The following ERGIC2 variants were observed in gnomAD, a reference collection of about 807,000 sequenced individuals.
ERGIC2 encodes ERGIC and golgi 2, also known as endoplasmic reticulum-Golgi intermediate compartment protein 2.
ERGIC2 carries 31 observed loss-of-function variants against 52.5 expected under a neutral mutation model. The observed-to-expected ratio is 0.59, with a 90% confidence interval of 0.44 to 0.80. The LOEUF (loss-of-function observed/expected upper bound fraction) is 0.80. Ranked by LOEUF, ERGIC2 falls within the 30% of genes least tolerant of loss-of-function variation. ERGIC2 has a pLI of 0.00. For synonymous variants in ERGIC2, 129 were observed against 140.6 expected, an observed-to-expected ratio of 0.92 and a Z score of 0.58; for missense variants, 395 against 455.2, an observed-to-expected ratio of 0.87 and a Z score of 1.20.
At chr12:29,378,017 C>T (rs1049885360) in intron 1 of ERGIC2, among the ~76,000 whole-genome samples, 4 of 152,148 alleles carry the variant, frequency 2.6e-5, no homozygotes, top group South Asian at 2.1e-4. Context: ...CAATTTGATA[C>T]GTTGAACAAG....
chr12:29,359,395 A>G (rs1224030805), intron 6 of ERGIC2, among the ~76,000 whole-genome samples: 1 of 152,054 alleles, frequency 6.6e-6, no homozygotes, highest in Non-Finnish European at 1.5e-5. Context: ...GTATGTATAT[A>G]TTATGTGTGT....
chr12:29,379,244 C>T (rs1940554614), intron 1 of ERGIC2, among the ~76,000 whole-genome samples: 1 of 151,984 alleles, frequency 6.6e-6, no homozygotes, highest in South Asian at 2.1e-4. Context: ...GTCAGGGACA[C>T]ATGAAATATA....
At chr12:29,371,442 CT>C in intron 2 of ERGIC2, 85 bp downstream of exon 2, 2 of 843,962 alleles carry the variant, frequency 2.4e-6, no homozygotes, top group Non-Finnish European at 3.7e-6. Context: ...TAAATTCTTC[CT>C]CATGGCTACA....
intron 3 of ERGIC2, among the ~76,000 whole-genome samples, chr12:29,368,517 C>A (rs1940395134): frequency 6.6e-6 from 1 of 151,776 alleles, no homozygotes; most frequent in African/African-American, 2.4e-5. Context: ...ACACAGTATC[C>A]TTTAATAATG....
At chr12:29,341,317 G>T in intron 13 of ERGIC2, 99 bp from the exon 14 acceptor site, 1 of 881,690 alleles carries the variant, frequency 1.1e-6, no homozygotes, top group Non-Finnish European at 1.8e-6. Flanking sequence ...ATCCTTTCTA[G>T]TAACCAAAAG....
Position 29,341,003 on chromosome 12 carries a change from TG to T in ERGIC2, c.*152del. 1 of 656,938 alleles carries T rather than the reference TG, an allele frequency of 1.5e-6. No homozygotes were observed. The highest frequency in any genetic ancestry group is 2.7e-6 in the Non-Finnish European group (1 of 372,938). The allele number at this position is 656,938 out of a possible 1,614,324, so 40.7% of individuals were successfully genotyped here. A position where few individuals can be genotyped will look rare whatever the true frequency, so the allele number is the denominator to read the frequency against. On this transcript the variant is annotated 3_prime_UTR_variant, in exon 14 of 14. Transcript: ENST00000360150. ...ACACAACGTATATAGAATTTCAGTTTGGGTTTTTTTATCCTTTTTTTTCTTT... is the reference window on the plus strand; with the variant it reads ...ACACAACGTATATAGAATTTCAGTTTGGTTTTTTTATCCTTTTTTTTCTTT...
intron 7 of ERGIC2, among the ~76,000 whole-genome samples, chr12:29,357,334 T>G (rs1940222389): frequency 6.6e-6 from 1 of 152,110 alleles, no homozygotes; most frequent in South Asian, 2.1e-4. Flanking sequence ...AGCTTATATA[T>G]CCTCAAAATA....
In ERGIC2 at chr12:29,371,669, T is replaced by C. The variant is rs377492472; in HGVS notation, c.-36A>G. 1.5e-5 allele frequency: 19 copies of C among 1,302,794 alleles called. No homozygotes were observed. Among genetic ancestry groups the C allele is most frequent in the Admixed American group, 1.4e-4 (8 of 56,278 alleles). 80.7% of individuals were successfully genotyped at this position (1,302,794 alleles called of 1,614,324 possible). On this transcript the variant is annotated splice_region_variant and 5_prime_UTR_variant, in exon 2 of 14. The change abolishes an upstream ATG in the 5' untranslated region. Transcript: ENST00000360150. ...ACCTTCCTCTTCCTTCATATAGTCA[T>C]GCTAAGGAATAAATAAATTAATGAA...
chr12:29,349,013 T>C, intron 10 of ERGIC2, 66 bp downstream of exon 10: 2 of 760,156 alleles, frequency 2.6e-6, no homozygotes, highest in South Asian at 3.3e-5. Flanking sequence ...TAAAAATGTA[T>C]TAATATTCAG....
chr12:29,365,951 A>T (rs1940356485), intron 5 of ERGIC2, among the ~76,000 whole-genome samples: 1 of 151,986 alleles, frequency 6.6e-6, no homozygotes, highest in African/African-American at 2.4e-5. Flanking sequence ...TGTATATGTC[A>T]AAAGGCACAT....
At position 29,367,007 on chromosome 12, in the gene ERGIC2, A is replaced by G. The variant is rs1373843256; in HGVS notation, c.263-60T>C. The G allele has an allele frequency of 1.1e-5, 11 of 993,624 alleles. No individual in the cohort carries two copies. In the Middle Eastern group the frequency reaches 8.7e-4, roughly 79 times the overall value. The allele number at this position is 993,624 out of a possible 1,614,324, so 61.6% of individuals were successfully genotyped here. On this transcript the variant is annotated intron_variant, in intron 4 of 13. Transcript: ENST00000360150. Reference sequence around the variant, plus strand: ...TATGCTTGGAGGCAAACCATCCCCAATATAAACAAATTAAGCCAACTAACA... The same window carrying G: ...TATGCTTGGAGGCAAACCATCCCCAGTATAAACAAATTAAGCCAACTAACA...
intron 13 of ERGIC2, 93 bp downstream of exon 13, chr12:29,341,641 G>T: frequency 1.4e-6 from 1 of 706,204 alleles, no homozygotes; most frequent in Non-Finnish European, 2.5e-6. Flanking sequence ...CCAAAGTCTT[G>T]GGATTACAGG....
intron 3 of ERGIC2, among the ~76,000 whole-genome samples, chr12:29,369,010 T>C (rs1398513089): frequency 1.3e-5 from 2 of 151,958 alleles, no homozygotes; most frequent in Non-Finnish European, 2.9e-5. Flanking sequence ...TATGATCAAA[T>C]TCAGTCCTGT....
chr12:29,347,789 A>G (rs186708275), intron 10 of ERGIC2, among the ~76,000 whole-genome samples: 1 of 152,332 alleles, frequency 6.6e-6, no homozygotes, highest in African/African-American at 2.4e-5. Flanking sequence ...AGAAAAGTAT[A>G]CAAACTGCTT....
At chr12:29,360,630 A>G (rs1231995993) in intron 6 of ERGIC2, among the ~76,000 whole-genome samples, 2 of 148,072 alleles carry the variant, frequency 1.4e-5, no homozygotes, top group African/African-American at 4.9e-5. Flanking sequence ...TATAGATTAT[A>G]TGTAAGAATT....
intron 5 of ERGIC2, among the ~76,000 whole-genome samples, chr12:29,362,590 C>T (rs1039791154): frequency 4.4e-5 from 6 of 137,260 alleles, no homozygotes; most frequent in East Asian, 2.2e-4. Flanking sequence ...AGTGAAACTC[C>T]GTTTCAAAAA....
At chr12:29,358,647 T>G (rs1161475999) in intron 6 of ERGIC2, among the ~76,000 whole-genome samples, 3 of 152,140 alleles carry the variant, frequency 2.0e-5, no homozygotes, top group Non-Finnish European at 4.4e-5. Context: ...AACACTACTT[T>G]CTGCTCAATT....
At chr12:29,374,449 C>G (rs1039184928) in intron 1 of ERGIC2, among the ~76,000 whole-genome samples, 1 of 152,188 alleles carries the variant, frequency 6.6e-6, no homozygotes, top group African/African-American at 2.4e-5. Context: ...TGATCGCCCA[C>G]TCCTTCCATT....
At chr12:29,347,518 T>G (rs1019534575) in intron 10 of ERGIC2, among the ~76,000 whole-genome samples, 3 of 152,212 alleles carry the variant, frequency 2.0e-5, no homozygotes, top group Non-Finnish European at 4.4e-5. Context: ...ATCTCCTTTA[T>G]TTTGTTCAGA....
Sources: allele counts gnomAD v4.1 joint callset (sites outside exome capture counted in the v4.1 genomes callset), GRCh38; gene constraint gnomAD v4.1.1; transcripts MANE v1.5; gene names NCBI Gene and HGNC (gene_info 2026-07-23, HGNC 2026-07-21).